The following CHFR variants were observed in gnomAD, a reference collection of about 807,000 sequenced individuals.
CHFR encodes checkpoint with forkhead and ring finger domains.
A neutral mutation model predicts 87.6 loss-of-function variants in CHFR; 57 were observed. The ratio of observed to expected loss-of-function variants is 0.65; its 90% CI spans 0.53 to 0.81. The LOEUF is 0.81. Among genes scored for constraint, CHFR ranks in the 30% least tolerant of loss-of-function variants. The pLI, the probability that CHFR is intolerant of heterozygous loss-of-function variation, is 0.00. For missense variants in CHFR, 797 were observed against 865.8 expected, an observed-to-expected ratio of 0.92 and a Z score of 1.00; for synonymous variants, 381 against 359.2, an observed-to-expected ratio of 1.06 and a Z score of -0.69.
At chr12:132,884,058 T>C (rs1192593890) in intron 2 of CHFR, among the ~76,000 whole-genome samples, 1 of 152,146 alleles carries the variant, frequency 6.6e-6, no homozygotes, top group African/African-American at 2.4e-5. Context: ...AGATGCAGGT[T>C]GTAGTGAGTG....
chr12:132,862,295 A>G (rs1951228837), intron 6 of CHFR: 1 of 249,880 alleles, frequency 4.0e-6, no homozygotes, highest in South Asian at 3.5e-5. Context: ...AAATAAAAAT[A>G]AAAAATAGAG....
chr12:132,872,878 T>C (rs1951523340), intron 3 of CHFR, among the ~76,000 whole-genome samples: 1 of 152,172 alleles, frequency 6.6e-6, no homozygotes, highest in African/African-American at 2.4e-5. Flanking sequence ...CTGCAGGACA[T>C]GGCCCTGCAC....
chr12:132,858,488 G>A (rs1348405819), intron 8 of CHFR, among the ~76,000 whole-genome samples: 4 of 152,020 alleles, frequency 2.6e-5, no homozygotes, highest in Admixed American at 1.3e-4. Context: ...ACTTTAGGAG[G>A]CAAACGTGGG....
At chr12:132,853,899 G>A (rs1374113163) in intron 10 of CHFR, 4 of 325,776 alleles carry the variant, frequency 1.2e-5, no homozygotes, top group East Asian at 7.0e-5. Flanking sequence ...GTGCGCGCAC[G>A]CCCCGTGCTC....
At position 132,862,422 on chromosome 12, in the gene CHFR, A is replaced by G. The variant is rs1331574821; in HGVS notation, c.584-788T>C. 3 of 451,232 alleles carry G rather than the reference A, an allele frequency of 6.6e-6. No individual in the cohort carries two copies. In the Admixed American group the frequency reaches 7.2e-5, roughly 11 times the overall value. 28.0% of individuals were successfully genotyped at this position (451,232 alleles called of 1,614,324 possible). Reference sequence around the variant, plus strand: ...AGCCTGGGCAACACAGCAAGGCACCATCTCTACAAAAAATACAAAAAAGAA... The same window carrying G: ...AGCCTGGGCAACACAGCAAGGCACCGTCTCTACAAAAAATACAAAAAAGAA... On this transcript the variant is annotated intron_variant, in intron 6 of 17. Coordinates refer to ENST00000450056, the MANE Select transcript of CHFR (RefSeq NM_001161346.2).
rs1379314322 is a variant in CHFR at position 132,853,456 on chromosome 12, G to T, written c.1347C>A (p.Pro449=). 3.3e-6 allele frequency: 5 copies of T among 1,535,232 alleles called. No individual in the cohort carries two copies. The highest frequency in any genetic ancestry group is 4.3e-6 in the Non-Finnish European group (5 of 1,150,204). The change falls in exon 11 of 18, where the codon CCC becomes CCA. Residue 449 remains proline (P), a synonymous_variant. Transcript: ENST00000450056. ...CTGTCGTCAGGCTGACGGACGTGGA[G>T]GGTGCATCCCCCAGGGCCTGTGGGG... The part of the protein sequence containing the change: ...PGAPQALGDA[P]STSVSLTTAV...
Position 132,851,610 on chromosome 12 carries a change from G to T in CHFR, c.1492+8C>A. ...AACCCGCCTGCGTGCGGTGGCGCGG[G>T]CACTCACACTGCTGAGGGGCGACAC... On this transcript the variant is annotated splice_region_variant and intron_variant, in intron 12 of 17. Transcript: ENST00000450056. 6.2e-7 allele frequency: 1 copy of T among 1,605,160 alleles called. No homozygotes were observed.
chr12:132,858,542 T>C (rs534515428), intron 8 of CHFR, among the ~76,000 whole-genome samples: 38 of 151,458 alleles, frequency 2.5e-4, no homozygotes, highest in African/African-American at 9.0e-4. Context: ...CTGGCCAACA[T>C]GGTGAAACCC....
intron 6 of CHFR, among the ~76,000 whole-genome samples, chr12:132,868,434 G>A (rs140029976): frequency 1.8e-4 from 27 of 152,136 alleles, no homozygotes; most frequent in African/African-American, 5.8e-4. Context: ...CGTGGGAGGC[G>A]GAGCTTGCAG....
chr12:132,864,176 G>GAA lies in CHFR; in HGVS notation c.584-2544_584-2543dup, dbSNP rs11376353. ...TATTCAAATGTAAGTGTTATTATTT[G>GAA]AAAAAAAAAAACACAAGAAACTGGC... On this transcript the variant is annotated intron_variant, in intron 6 of 17. Transcript: ENST00000450056. Among the ~76,000 whole-genome samples, 531 of 143,608 alleles carry GAA rather than the reference G, an allele frequency of 3.7e-3. 2 individuals are homozygous for GAA. Among genetic ancestry groups the GAA allele is most frequent in the South Asian group, 0.01 (47 of 4,522 alleles). The allele number at this position is 143,608 out of a possible 152,430, so 94.2% of individuals were successfully genotyped here. A position where few individuals can be genotyped will look rare whatever the true frequency, so the allele number is the denominator to read the frequency against.
chr12:132,865,450 C>A (rs1379580459), intron 6 of CHFR, among the ~76,000 whole-genome samples: 1 of 151,414 alleles, frequency 6.6e-6, no homozygotes, highest in African/African-American at 2.4e-5. Flanking sequence ...CGCCTCCCAG[C>A]CTCAGGTGAT....
At chr12:132,887,437 G>T in intron 1 of CHFR, 97 bp from the exon 2 acceptor site, 2 of 939,118 alleles carry the variant, frequency 2.1e-6, no homozygotes, top group African/African-American at 1.8e-5. Context: ...GGCCGCCCGC[G>T]CCCACGCAGC....
intron 2 of CHFR, among the ~76,000 whole-genome samples, chr12:132,885,412 A>G (rs1265751736): frequency 8.5e-6 from 1 of 117,306 alleles, no homozygotes; most frequent in African/African-American, 3.2e-5. Flanking sequence ...CTCTGTCTCA[A>G]AAAATATATA....
intron 11 of CHFR, among the ~76,000 whole-genome samples, chr12:132,852,044 C>T (rs1950959244): frequency 6.6e-6 from 1 of 151,734 alleles, no homozygotes; most frequent in South Asian, 2.1e-4. Flanking sequence ...ACTGCAGTGG[C>T]GTGATCTCGG....
chr12:132,852,891 T>C (rs1214819361), intron 11 of CHFR, among the ~76,000 whole-genome samples: 1 of 152,156 alleles, frequency 6.6e-6, no homozygotes, highest in Non-Finnish European at 1.5e-5. Context: ...GAGTCTGGAG[T>C]GAGCAGGGCA....
At chr12:132,875,726 G>A (rs552387500) in intron 3 of CHFR, among the ~76,000 whole-genome samples, 1 of 152,326 alleles carries the variant, frequency 6.6e-6, no homozygotes, top group South Asian at 2.1e-4. Flanking sequence ...CAGAGTTTGG[G>A]AAAGAGTCAC....
intron 6 of CHFR, among the ~76,000 whole-genome samples, chr12:132,862,972 C>T (rs537721825): frequency 2.0e-5 from 3 of 151,442 alleles, no homozygotes; most frequent in Non-Finnish European, 4.4e-5. Context: ...TCTTGGCTCA[C>T]TGCAAGCTCT....
At chr12:132,845,327 C>T (rs901979694) in intron 15 of CHFR, among the ~76,000 whole-genome samples, 1 of 151,866 alleles carries the variant, frequency 6.6e-6, no homozygotes, top group Non-Finnish European at 1.5e-5. Context: ...GGCATGTTGG[C>T]GGGTGCCTGT....
chr12:132,847,198 GAA>G, intron 14 of CHFR, 68 bp from the exon 15 acceptor site: 6 of 1,597,132 alleles, frequency 3.8e-6, no homozygotes, highest in Non-Finnish European at 5.1e-6. Context: ...AATAACGAGA[GAA>G]AACATTTCAT....
Sources: allele counts gnomAD v4.1 joint callset (sites outside exome capture counted in the v4.1 genomes callset), GRCh38; gene constraint gnomAD v4.1.1; transcripts MANE v1.5; gene names NCBI Gene and HGNC (gene_info 2026-07-23, HGNC 2026-07-21).